MMP11: variants seen among roughly 807,000 people sequenced by gnomAD.
The protein encoded by MMP11 is matrix metallopeptidase 11.
A neutral mutation model predicts 49.5 loss-of-function variants in MMP11; 26 were observed. The observed-to-expected ratio is 0.52, with a 90% CI of 0.38 to 0.73. The LOEUF (loss-of-function observed/expected upper bound fraction) is 0.73. Ranked by LOEUF, MMP11 falls within the 30% of genes least tolerant of loss-of-function variation. MMP11 has a pLI of 0.00. For synonymous variants in MMP11, 265 were observed against 282.3 expected, an observed-to-expected ratio of 0.94 and a Z score of 0.62; for missense variants, 624 against 671.2, an observed-to-expected ratio of 0.93 and a Z score of 0.78.
Position 23,780,277 on chromosome 22 carries a change from A to G in MMP11, c.339-82A>G. On this transcript the variant is annotated intron_variant, in intron 2 of 7. Coordinates refer to ENST00000215743, the MANE Select transcript of MMP11 (RefSeq NM_005940.5). The surrounding 1 kb of genome is among the most constrained non-coding windows in gnomAD (Gnocchi z 4.6). ...GTCCTGAGTGTTCACACACCCACCA[A>G]GCATCCAGGGGCAACTCCTGGTGCC... The G allele has an allele frequency of 6.4e-7, 1 of 1,574,578 alleles. No individual in the cohort carries two copies.
Position 23,781,177 on chromosome 22 carries a change from C to T in MMP11, c.859-16C>T, listed in dbSNP as rs1369867265. 4 of 1,610,546 alleles carry T rather than the reference C, an allele frequency of 2.5e-6. No homozygotes were observed. The highest frequency in any genetic ancestry group is 1.7e-6 in the Non-Finnish European group (2 of 1,179,776). ...CAGCATATGCCCTCAGCATGTGTCC[C>T]TCTCTCCCACCCCAGCCAGACGCCC... On this transcript the variant is annotated splice_polypyrimidine_tract_variant and intron_variant, in intron 5 of 7. Transcript: ENST00000215743.
rs1028546972 is a variant in MMP11, at chr22:23,783,422, T to G, written c.1345T>G (p.Phe449Val). The G allele has an allele frequency of 2.5e-6, 4 of 1,614,096 alleles. No individual in the cohort carries two copies. Among genetic ancestry groups the G allele is most frequent in the Non-Finnish European group, 3.4e-6 (4 of 1,180,038 alleles). Residue 449 changes from phenylalanine (F) to valine (V), a missense_variant, in exon 8 of 8, where the codon TTC becomes GTC. Physicochemically the swap from Phe to Val is conservative, Grantham distance 50. Coordinates refer to ENST00000215743, the MANE Select transcript of MMP11 (RefSeq NM_005940.5). ...AFQDADGYAY[F>V]LRGRLYWKFD... is the part of the protein sequence containing the mutation. ...CCTTCTCTTCTCAGGCTATGCCTAC[T>G]TCCTGCGCGGCCGCCTCTACTGGAA...
At position 23,783,648 on chromosome 22, in the gene MMP11, T is replaced by G; in HGVS notation, c.*104T>G. ...TGGCTGTGGGCACCAGGCATGGGAC[T>G]GAGCCCATGTCTCCTCAGGGGGATG... On this transcript the variant is annotated 3_prime_UTR_variant, in exon 8 of 8. Transcript: ENST00000215743. 6.8e-7 allele frequency: 1 copy of G among 1,465,512 alleles called. No individual in the cohort carries two copies. The highest frequency in any genetic ancestry group is 1.2e-5 in the South Asian group (1 of 86,368). 90.8% of individuals were successfully genotyped at this position (1,465,512 alleles called of 1,614,324 possible). A position where few individuals can be genotyped will look rare whatever the true frequency, so the allele number is the denominator to read the frequency against.
intron 1 of MMP11, among the ~76,000 whole-genome samples, chr22:23,777,241 A>C (rs1188309692): frequency 7.2e-6 from 1 of 138,208 alleles, no homozygotes; most frequent in Admixed American, 6.9e-5. Flanking sequence ...GCCAAGATGG[A>C]TAAACCTCAT....
Position 23,780,718 on chromosome 22 carries a change from A to G in MMP11, c.616+3A>G. On this transcript the variant is annotated splice_donor_region_variant and intron_variant, in intron 4 of 7. Coordinates refer to ENST00000215743, the MANE Select transcript of MMP11 (RefSeq NM_005940.5). The surrounding 1 kb of genome is among the most constrained non-coding windows in gnomAD (Gnocchi z 4.6). ...CTGGACTATCGGGGATGACCAGGGTATGGGCTGGGGACCCATTTTCCAGAT... is the reference window on the plus strand; with the variant it reads ...CTGGACTATCGGGGATGACCAGGGTGTGGGCTGGGGACCCATTTTCCAGAT... The G allele has an allele frequency of 6.5e-7, 1 of 1,549,776 alleles. No homozygotes were observed. Among genetic ancestry groups the G allele is most frequent in the Non-Finnish European group, 8.7e-7 (1 of 1,151,168 alleles).
chr22:23,781,877 A>C, intron 6 of MMP11: 1 of 621,580 alleles, frequency 1.6e-6, no homozygotes, highest in Non-Finnish European at 3.1e-6. Flanking sequence ...CAGCATGGGA[A>C]ACCTGCGTGG....
At chr22:23,776,376 CGAG>C (rs1214745163) in intron 1 of MMP11, among the ~76,000 whole-genome samples, 1 of 152,104 alleles carries the variant, frequency 6.6e-6, no homozygotes, top group Admixed American at 6.5e-5. Context: ...GGCAGTGTGG[CGAG>C]GAGGAGGAGG....
rs748882002 is a variant in MMP11 at position 23,779,206 on chromosome 22, C to T, written c.128C>T (p.Ala43Val). ...ALPPDAHHLH[A>V]ERRGPQPWHA... is the part of the protein sequence containing the mutation. The stretch of plus-strand genomic sequence containing the variant: ...GCCTAGGACGCCCACCACCTCCATG[C>T]CGAGAGGAGGGGGCCACAGCCCTGG... Residue 43 changes from alanine to valine, a missense_variant, in exon 2 of 8, where the codon GCC becomes GTC. Coordinates refer to ENST00000215743, the MANE Select transcript of MMP11 (RefSeq NM_005940.5). 12 of 1,602,010 alleles carry T rather than the reference C, an allele frequency of 7.5e-6. No individual in the cohort carries two copies. Among genetic ancestry groups the T allele is most frequent in the South Asian group, 3.4e-5 (3 of 89,440 alleles).
chr22:23,775,791 ATGGGAACTG>A lies in MMP11; in HGVS notation c.108+2815_108+2823del, dbSNP rs563632565. On this transcript the variant is annotated intron_variant, in intron 1 of 7. Coordinates refer to ENST00000215743, the MANE Select transcript of MMP11 (RefSeq NM_005940.5). ...TGGGTAGCTAGAGGGGCGGTGGGTG[ATGGGAACTG>A]TAGGGACTGGCAAGGGCAGATTCCC... 3.3e-5 allele frequency among the ~76,000 whole-genome samples: 5 copies of A among 152,286 alleles called. No individual in the cohort carries two copies. In the South Asian group the frequency reaches 1.0e-3, roughly 32 times the overall value.
rs1601373058 is a variant in MMP11 at position 23,780,266 on chromosome 22, C to T, written c.339-93C>T. On this transcript the variant is annotated intron_variant, in intron 2 of 7. Transcript: ENST00000215743. This position sits in a 1 kb window ranked among gnomAD's most constrained non-coding sequence, Gnocchi z 4.6. The stretch of plus-strand genomic sequence containing the variant: ...ACCTGGCCTGTGTCCTGAGTGTTCA[C>T]ACACCCACCAAGCATCCAGGGGCAA... 1 of 1,526,346 alleles carries T rather than the reference C, an allele frequency of 6.6e-7. No homozygotes were observed. Among genetic ancestry groups the T allele is most frequent in the East Asian group, 2.3e-5 (1 of 43,894 alleles). The allele number at this position is 1,526,346 out of a possible 1,614,324, so 94.6% of individuals were successfully genotyped here.
At chr22:23,777,690 C>G (rs1021832613) in intron 1 of MMP11, 1 of 152,164 alleles carries the variant, frequency 6.6e-6, no homozygotes, top group Non-Finnish European at 1.5e-5. Flanking sequence ...GCCGAGATCG[C>G]GCCACTGCAC....
At position 23,772,925 on chromosome 22, in the gene MMP11, A is replaced by ATGCTGC; in HGVS notation, c.66_71dup (p.Leu23_Leu24dup). On this transcript the variant is annotated inframe_insertion, in exon 1 of 8. Transcript: ENST00000215743. The stretch of plus-strand genomic sequence containing the variant: ...GGCCGCGCGCGCCCTCCTGCCCCCG[A>ATGCTGC]TGCTGCTGCTGCTGCTCCAGCCGCC... 1 of 1,208,312 alleles carries ATGCTGC rather than the reference A, an allele frequency of 8.3e-7. No homozygotes were observed. The highest frequency in any genetic ancestry group is 3.3e-4 in the Middle Eastern group (1 of 3,018). 74.8% of individuals were successfully genotyped at this position (1,208,312 alleles called of 1,614,324 possible).
chr22:23,782,402 G>A lies in MMP11; in HGVS notation c.1252G>A (p.Val418Ile). ...GCGTTTCCACCCCAGCACCCGGCGT[G>A]TAGACAGTCCCGTGCCCCGCAGGGC... is the stretch of plus-strand genomic sequence containing the variant. Reference protein sequence around the residue: ...YWRFHPSTRRVDSPVPRRATD... With the variant: ...YWRFHPSTRRIDSPVPRRATD... Residue 418 changes from valine to isoleucine, a missense_variant, in exon 7 of 8, where the codon GTA (valine) becomes ATA (isoleucine). By Grantham distance (29) the Val-to-Ile change is conservative. Coordinates refer to ENST00000215743, the MANE Select transcript of MMP11 (RefSeq NM_005940.5). The A allele has an allele frequency of 1.9e-6, 3 of 1,613,912 alleles. No homozygotes were observed. The highest frequency in any genetic ancestry group is 1.7e-6 in the Non-Finnish European group (2 of 1,180,012).
Position 23,772,897 on chromosome 22 carries a change from C to G in MMP11, c.27C>G (p.Ser9Arg), listed in dbSNP as rs1168616816. The G allele has an allele frequency of 3.4e-6, 4 of 1,167,912 alleles. No homozygotes were observed. Among genetic ancestry groups the G allele is most frequent in the African/African-American group, 3.2e-5 (2 of 61,720 alleles). 72.3% of individuals were successfully genotyped at this position (1,167,912 alleles called of 1,614,324 possible). A position where few individuals can be genotyped will look rare whatever the true frequency, so the allele number is the denominator to read the frequency against. The change falls in exon 1 of 8, where the codon AGC becomes AGG. Residue 9 changes from serine to arginine, a missense_variant. By Grantham distance (110) the Ser-to-Arg change is moderately radical. Transcript: ENST00000215743. ...TGGCTCCGGCCGCCTGGCTCCGCAG[C>G]GCGGCCGCGCGCGCCCTCCTGCCCC... MAPAAWLR[S>R]AAARALLPPM...
In MMP11 at chr22:23,780,241, A is replaced by T; in HGVS notation, c.339-118A>T. 1 of 1,285,850 alleles carries T rather than the reference A, an allele frequency of 7.8e-7. No homozygotes were observed. The highest frequency in any genetic ancestry group is 1.1e-6 in the Non-Finnish European group (1 of 916,768). 79.7% of individuals were successfully genotyped at this position (1,285,850 alleles called of 1,614,324 possible). ...GCGCTGAAGCTGAGGCCCAGAGTAC[A>T]CCTGGCCTGTGTCCTGAGTGTTCAC... is the stretch of plus-strand genomic sequence containing the variant. On this transcript the variant is annotated intron_variant, in intron 2 of 7. Transcript: ENST00000215743. This position sits in a 1 kb window ranked among gnomAD's most constrained non-coding sequence, Gnocchi z 4.6.
At chr22:23,782,626 C>T in intron 7 of MMP11, 143 bp downstream of exon 7, 1 of 1,043,384 alleles carries the variant, frequency 9.6e-7, no homozygotes, top group Non-Finnish European at 1.3e-6. Flanking sequence ...CTGCCCTCCT[C>T]TCGGTGGCCG....
chr22:23,775,979 AAG>A (rs1487569125), intron 1 of MMP11, among the ~76,000 whole-genome samples: 1 of 152,222 alleles, frequency 6.6e-6, no homozygotes, highest in African/African-American at 2.4e-5. Context: ...AGTTGAGGCT[AAG>A]AGAGGAAGGT....
At chr22:23,778,923 A>C (rs1169539334) in intron 1 of MMP11, among the ~76,000 whole-genome samples, 2 of 152,214 alleles carry the variant, frequency 1.3e-5, no homozygotes, top group East Asian at 3.9e-4. Flanking sequence ...TCATTGGCCT[A>C]AGTAGCTGGA....
Position 23,780,458 on chromosome 22 carries a change from T to A in MMP11, c.438T>A (p.Thr146=). 1 of 1,614,036 alleles carries A rather than the reference T, an allele frequency of 6.2e-7. No individual in the cohort carries two copies. The highest frequency in any genetic ancestry group is 8.5e-7 in the Non-Finnish European group (1 of 1,180,014). The change falls in exon 3 of 8, where the codon ACT becomes ACA. Residue 146 remains threonine (T), a synonymous_variant. Transcript: ENST00000215743. The surrounding 1 kb of genome is among the most constrained non-coding windows in gnomAD (Gnocchi z 4.6). ...GCGATGTGACGCCACTCACCTTTAC[T>A]GAGGTGCACGAGGGCCGTGCTGACA... ...VWSDVTPLTF[T]EVHEGRADIM... is the part of the protein sequence containing the mutation.
Sources: gnomAD v4.1 joint callset for allele counts (sites outside exome capture counted in the v4.1 genomes callset) on GRCh38, gnomAD v4.1.1 for gene constraint, Gnocchi (gnomAD v3.1) non-coding constraint, MANE v1.5 for transcripts, NCBI Gene and HGNC (gene_info 2026-07-23, HGNC 2026-07-21) for gene names.